NEXMIF: variants seen among roughly 807,000 people sequenced by gnomAD.
NEXMIF encodes XLMR protein related to neurite extension.
Under a neutral mutation model 62.1 loss-of-function variants are expected in NEXMIF, and 8 were observed. The ratio of observed to expected loss-of-function variants is 0.13; its 90% CI spans 0.08 to 0.23. NEXMIF has a LOEUF of 0.23. Among genes scored for constraint, NEXMIF ranks in the 10% least tolerant of loss-of-function variants. The probability of loss-of-function intolerance (pLI) is 1.00; values close to 1 mark genes in which losing one functional copy is unlikely to be tolerated. For synonymous variants in NEXMIF, 404 were observed against 416.6 expected, an observed-to-expected ratio of 0.97 and a Z score of 0.37; for missense variants, 976 against 1,113.3, an observed-to-expected ratio of 0.88 and a Z score of 1.75.
chrX:74,889,863 C>G (rs781412569), intron 1 of NEXMIF, among the ~76,000 whole-genome samples: 1 of 110,989 alleles, frequency 9.0e-6, no homozygotes, highest in Admixed American at 9.5e-5. Flanking sequence ...TAGCCATAAT[C>G]AAAGACACAC....
intron 1 of NEXMIF, among the ~76,000 whole-genome samples, chrX:74,796,220 T>TA (rs1423412341): frequency 6.1e-5 from 4 of 65,728 alleles, no homozygotes; most frequent in Admixed American, 2.4e-4. Context: ...TATATATATA[T>TA]ACATATATAA....
At chrX:74,872,494 A>G (rs1321134069) in intron 1 of NEXMIF, among the ~76,000 whole-genome samples, 3 of 109,742 alleles carry the variant, frequency 2.7e-5, no homozygotes, top group Non-Finnish European at 5.7e-5. Flanking sequence ...AAAATCAGAA[A>G]TAATGAATAA....
chrX:74,845,254 T>C (rs1301923137), intron 1 of NEXMIF, among the ~76,000 whole-genome samples: 1 of 111,186 alleles, frequency 9.0e-6, no homozygotes, highest in East Asian at 2.8e-4. Context: ...GAATAAAAAA[T>C]ACCCCACACA....
intron 1 of NEXMIF, among the ~76,000 whole-genome samples, chrX:74,775,270 C>T (rs1462127719): frequency 8.9e-6 from 1 of 111,868 alleles, no homozygotes; most frequent in Non-Finnish European, 1.9e-5. Context: ...TACAACAATT[C>T]TGAAATAATT....
chrX:74,900,764 A>G (rs148323359), intron 1 of NEXMIF, among the ~76,000 whole-genome samples: 141 of 112,452 alleles, frequency 1.3e-3, no homozygotes, highest in African/African-American at 4.2e-3. Flanking sequence ...GTATCCATTG[A>G]TGGATGAATG....
intron 1 of NEXMIF, among the ~76,000 whole-genome samples, chrX:74,873,511 T>C (rs1175292085): frequency 8.9e-6 from 1 of 112,122 alleles, no homozygotes; most frequent in Non-Finnish European, 1.9e-5. Context: ...TACCCAGTAA[T>C]GGGATGGCTG....
intron 1 of NEXMIF, among the ~76,000 whole-genome samples, chrX:74,914,236 T>G (rs760888356): frequency 2.3e-4 from 26 of 112,322 alleles, no homozygotes; most frequent in Non-Finnish European, 4.3e-4. Context: ...GGAAAATAGA[T>G]TTTCAGTTTC....
chrX:74,806,655 G>A (rs906161939), intron 1 of NEXMIF, among the ~76,000 whole-genome samples: 4 of 111,893 alleles, frequency 3.6e-5, no homozygotes, highest in Non-Finnish European at 5.6e-5. Flanking sequence ...CCAAGATCAC[G>A]TAGATTTTCT....
chrX:74,771,064 C>G (rs775234216), intron 1 of NEXMIF, among the ~76,000 whole-genome samples: 1 of 111,867 alleles, frequency 8.9e-6, no homozygotes, highest in Non-Finnish European at 1.9e-5. Context: ...ATACCTTTAT[C>G]AAAATTTGCA....
At chrX:74,898,706 CTG>C (rs761271230) in intron 1 of NEXMIF, among the ~76,000 whole-genome samples, 3 of 111,209 alleles carry the variant, frequency 2.7e-5, no homozygotes, top group African/African-American at 9.8e-5. Context: ...CTAAAATAAA[CTG>C]TTCTATTTTT....
intron 1 of NEXMIF, among the ~76,000 whole-genome samples, chrX:74,753,715 G>GCACACA (rs199783383): frequency 5.9e-4 from 59 of 100,201 alleles, no homozygotes; most frequent in African/African-American, 1.9e-3. Flanking sequence ...ACACACACAC[G>GCACACA]CACACACACA....
chrX:74,878,448 G>C (rs1199961395), intron 1 of NEXMIF, among the ~76,000 whole-genome samples: 1 of 112,621 alleles, frequency 8.9e-6, no homozygotes, highest in African/African-American at 3.2e-5. Flanking sequence ...TTGTGTTTGT[G>C]TGTGCCCTGC....
At chrX:74,898,631 T>C (rs1371042049) in intron 1 of NEXMIF, among the ~76,000 whole-genome samples, 1 of 111,828 alleles carries the variant, frequency 8.9e-6, no homozygotes, top group South Asian at 3.7e-4. Context: ...TAGGAGAAGA[T>C]GGTGTGGGGT....
chrX:74,847,509 G>T (rs933396699), intron 1 of NEXMIF, among the ~76,000 whole-genome samples: 6 of 112,112 alleles, frequency 5.4e-5, no homozygotes, highest in Non-Finnish European at 9.4e-5. Context: ...ACATACTGGA[G>T]GGTCTGGAGA....
intron 1 of NEXMIF, among the ~76,000 whole-genome samples, chrX:74,759,639 T>A (rs1471776680): frequency 8.9e-6 from 1 of 112,338 alleles, no homozygotes; most frequent in Non-Finnish European, 1.9e-5. Context: ...ATTTATTGAA[T>A]AGGGAGTCCT....
chrX:74,914,508 C>T (rs2080800281), intron 1 of NEXMIF, among the ~76,000 whole-genome samples: 1 of 111,041 alleles, frequency 9.0e-6, no homozygotes, highest in African/African-American at 3.3e-5. Context: ...CCTATCCCTA[C>T]TAAAAATACA....
intron 1 of NEXMIF, among the ~76,000 whole-genome samples, chrX:74,789,927 C>A (rs1334299030): frequency 6.6e-5 from 7 of 106,173 alleles, no homozygotes; most frequent in Non-Finnish European, 1.9e-5. Context: ...TTGTGGGTTG[C>A]CTGTTCACTC....
Position 74,835,487 on chromosome X carries a change from G to A in NEXMIF, c.-48+89396C>T, listed in dbSNP as rs1243005191. On this transcript the variant is annotated intron_variant, in intron 1 of 3. Coordinates refer to ENST00000055682, the MANE Select transcript of NEXMIF (RefSeq NM_001008537.3). ...AGTATTTTAAGAGACTGGACCCCAAGCCCAATATTTCTGTGGTTTTTGCAG... is the reference window on the plus strand; with the variant it reads ...AGTATTTTAAGAGACTGGACCCCAAACCCAATATTTCTGTGGTTTTTGCAG... Among the ~76,000 whole-genome samples, 4 of 111,781 alleles carry A rather than the reference G, an allele frequency of 3.6e-5. No individual in the cohort carries two copies. The East Asian group carries it at 8.4e-4, about 24-fold the overall frequency.
intron 1 of NEXMIF, among the ~76,000 whole-genome samples, chrX:74,868,406 G>A (rs2080587787): frequency 8.9e-6 from 1 of 111,803 alleles, no homozygotes; most frequent in African/African-American, 3.3e-5. Flanking sequence ...ACTGGATAAA[G>A]AAAATGTGGT....
Sources: allele counts gnomAD v4.1 joint callset (sites outside exome capture counted in the v4.1 genomes callset), GRCh38; gene constraint gnomAD v4.1.1; transcripts MANE v1.5; gene names NCBI Gene and HGNC (gene_info 2026-07-23, HGNC 2026-07-21).